Variants in CTNNA3 observed in about 807,000 individuals in gnomAD.
CTNNA3 encodes catenin alpha-3.
Under a neutral mutation model 95.7 loss-of-function variants are expected in CTNNA3, and 76 were observed. The ratio of observed to expected loss-of-function variants is 0.79; its 90% CI spans 0.66 to 0.96. The LOEUF (loss-of-function observed/expected upper bound fraction) is 0.96. CTNNA3 is among the 40% of genes least tolerant of loss of function. The pLI is 0.00. For missense variants in CTNNA3, 1,191 were observed against 1,089.8 expected (o/e 1.09, Z -1.31); for synonymous variants, 431 against 374.4 (o/e 1.15, Z -1.74).
intron 5 of CTNNA3, among the ~76,000 whole-genome samples, chr10:67,520,246 T>C (rs1839942491): frequency 6.6e-6 from 1 of 152,204 alleles, no homozygotes; most frequent in African/African-American, 2.4e-5. Flanking sequence ...CATGTGCTCA[T>C]CTTTTCTTTA....
intron 12 of CTNNA3, among the ~76,000 whole-genome samples, chr10:66,346,290 G>GAGAGAC (rs2092518748): frequency 6.8e-6 from 1 of 146,198 alleles, no homozygotes; most frequent in Non-Finnish European, 1.5e-5. Context: ...GAGAGAGAAA[G>GAGAGAC]AGAGACAGAG....
chr10:66,607,088 CA>C (rs1844151459), intron 10 of CTNNA3, among the ~76,000 whole-genome samples: 1 of 151,870 alleles, frequency 6.6e-6, no homozygotes. Context: ...TTAAAAATGA[CA>C]AAGGGGATAT....
chr10:66,291,715 G>A (rs1348820825), intron 12 of CTNNA3, among the ~76,000 whole-genome samples: 1 of 151,736 alleles, frequency 6.6e-6, no homozygotes, highest in Admixed American at 6.6e-5. Flanking sequence ...TAGAAGATAT[G>A]TGTGCATAAA....
chr10:67,539,196 T>A (rs967987827), intron 4 of CTNNA3, among the ~76,000 whole-genome samples: 4 of 152,102 alleles, frequency 2.6e-5, no homozygotes, highest in African/African-American at 9.7e-5. Context: ...ATTATCTATA[T>A]AATTATGTTA....
At chr10:67,427,812 A>T (rs761369175) in intron 5 of CTNNA3, among the ~76,000 whole-genome samples, 1 of 151,992 alleles carries the variant, frequency 6.6e-6, no homozygotes, top group Non-Finnish European at 1.5e-5. Context: ...TTCAGTATGC[A>T]TGGGGATGAT....
chr10:66,632,546 A>G (rs1845176902), intron 9 of CTNNA3, among the ~76,000 whole-genome samples: 1 of 127,438 alleles, frequency 7.8e-6, no homozygotes, highest in African/African-American at 3.0e-5. Flanking sequence ...CAAGAATGAA[A>G]CTCCATCTCA....
At chr10:67,023,702 T>A (rs1853172789) in intron 7 of CTNNA3, among the ~76,000 whole-genome samples, 1 of 152,186 alleles carries the variant, frequency 6.6e-6, no homozygotes, top group African/African-American at 2.4e-5. Flanking sequence ...ATTTCAGAAC[T>A]ACTAATCTTC....
intron 5 of CTNNA3, among the ~76,000 whole-genome samples, chr10:67,348,659 A>G (rs1415160294): frequency 6.6e-6 from 1 of 152,104 alleles, no homozygotes; most frequent in Non-Finnish European, 1.5e-5. Context: ...ACATGAATTC[A>G]CAGAATGAGA....
chr10:66,703,456 T>A (rs1012102400), intron 9 of CTNNA3, among the ~76,000 whole-genome samples: 2 of 152,120 alleles, frequency 1.3e-5, no homozygotes, highest in African/African-American at 2.4e-5. Flanking sequence ...TTGATGAAAA[T>A]TTCAGCTGAA....
intron 14 of CTNNA3, among the ~76,000 whole-genome samples, chr10:66,101,188 A>T (rs2081614822): frequency 1.3e-5 from 2 of 152,192 alleles, no homozygotes; most frequent in Non-Finnish European, 2.9e-5. Flanking sequence ...TCTACCAATG[A>T]TGCCAACTAG....
Position 66,151,311 on chromosome 10 carries a change from A to G in CTNNA3, c.1885-48062T>C, listed in dbSNP as rs558664701. 5.9e-5 allele frequency among the ~76,000 whole-genome samples: 9 copies of G among 152,158 alleles called. No homozygotes were observed. The South Asian group carries it at 1.9e-3, about 32-fold the overall frequency. ...GAGATAAGATAAAGTTTTCACGAAG[A>G]AGCTCACATCTGACATAGCTTTCAG... is the stretch of plus-strand genomic sequence containing the variant. On this transcript the variant is annotated intron_variant, in intron 13 of 17. Coordinates refer to ENST00000433211, the MANE Select transcript of CTNNA3 (RefSeq NM_013266.4).
At chr10:66,118,633 G>A (rs969340268) in intron 13 of CTNNA3, among the ~76,000 whole-genome samples, 1 of 151,984 alleles carries the variant, frequency 6.6e-6, no homozygotes, top group African/African-American at 2.4e-5. Context: ...ACATTGTTCT[G>A]TCTTAGAACT....
intron 7 of CTNNA3, chr10:66,837,471 CAG>C (rs1842923247): frequency 6.6e-6 from 1 of 152,130 alleles, no homozygotes; most frequent in African/African-American, 2.4e-5. Flanking sequence ...GCTTAACCTA[CAG>C]AGAGTTCACT....
At chr10:66,893,771 A>T (rs1041807702) in intron 7 of CTNNA3, among the ~76,000 whole-genome samples, 1 of 152,180 alleles carries the variant, frequency 6.6e-6, no homozygotes, top group African/African-American at 2.4e-5. Flanking sequence ...TTCTGGCTAC[A>T]TACTAAGTCC....
chr10:66,565,141 G>C (rs1416035530), intron 10 of CTNNA3, among the ~76,000 whole-genome samples: 1 of 151,982 alleles, frequency 6.6e-6, no homozygotes, highest in Non-Finnish European at 1.5e-5. Flanking sequence ...TTGTAAAAAA[G>C]AAAGACACAA....
intron 11 of CTNNA3, among the ~76,000 whole-genome samples, chr10:66,474,464 G>A (rs1193779374): frequency 6.6e-6 from 1 of 152,022 alleles, no homozygotes; most frequent in East Asian, 1.9e-4. Flanking sequence ...TGGACAGTTA[G>A]GTTGATTCTA....
intron 12 of CTNNA3, among the ~76,000 whole-genome samples, chr10:66,310,544 A>G (rs1285658574): frequency 1.3e-5 from 2 of 151,430 alleles, no homozygotes; most frequent in African/African-American, 4.9e-5. Context: ...TTGGAAATCC[A>G]TGCTATGCTA....
intron 7 of CTNNA3, among the ~76,000 whole-genome samples, chr10:67,166,398 C>T (rs1395099205): frequency 6.6e-6 from 1 of 152,124 alleles, no homozygotes; most frequent in Non-Finnish European, 1.5e-5. Flanking sequence ...AATCTTTACC[C>T]TTATAATTAG....
chr10:67,203,267 C>A (rs1317549536), intron 6 of CTNNA3, among the ~76,000 whole-genome samples: 1 of 152,144 alleles, frequency 6.6e-6, no homozygotes, highest in Admixed American at 6.5e-5. Context: ...ATAAGTCTCA[C>A]GAGATCTGAT....
Sources: gnomAD v4.1 joint callset for allele counts (sites outside exome capture counted in the v4.1 genomes callset) on GRCh38, gnomAD v4.1.1 for gene constraint, MANE v1.5 for transcripts, NCBI Gene and HGNC (gene_info 2026-07-23, HGNC 2026-07-21) for gene names.